The following CREB3L2 variants were observed in gnomAD, a reference collection of about 807,000 sequenced individuals.
The protein encoded by CREB3L2 is cyclic AMP-responsive element-binding protein 3-like protein 2.
In CREB3L2, 23 loss-of-function variants were observed where a neutral mutation model predicts 57.2. The observed-to-expected ratio is 0.40, with a 90% CI of 0.29 to 0.57. CREB3L2 has a LOEUF of 0.57. Among genes scored for constraint, CREB3L2 ranks in the 20% least tolerant of loss-of-function variants. The probability of loss-of-function intolerance (pLI) is 0.42; values close to 1 mark genes in which losing one functional copy is unlikely to be tolerated. For missense variants in CREB3L2, 628 were observed against 634.7 expected, an observed-to-expected ratio of 0.99 and a Z score of 0.11; for synonymous variants, 268 against 265.1, an observed-to-expected ratio of 1.01 and a Z score of -0.11.
intron 1 of CREB3L2, among the ~76,000 whole-genome samples, chr7:137,932,428 G>A (rs557296373): frequency 2.6e-5 from 4 of 152,184 alleles, no homozygotes; most frequent in South Asian, 2.1e-4. Flanking sequence ...AGTTAAAGAC[G>A]TCTATATTAA....
At chr7:137,981,913 A>G (rs1259421046) in intron 1 of CREB3L2, among the ~76,000 whole-genome samples, 1 of 152,182 alleles carries the variant, frequency 6.6e-6, no homozygotes, top group Non-Finnish European at 1.5e-5. Context: ...TTGGGGGAAG[A>G]GCTCTCTCTC....
intron 7 of CREB3L2, among the ~76,000 whole-genome samples, chr7:137,902,194 C>CAAAAAAAAA (rs58506555): frequency 0.011 from 962 of 84,726 alleles, 30 homozygotes; most frequent in African/African-American, 0.033. Context: ...ACTCTGTCTC[C>CAAAAAAAAA]AAAAAAAAAA....
At chr7:137,904,468 C>T (rs1321384919) in intron 6 of CREB3L2, among the ~76,000 whole-genome samples, 1 of 152,132 alleles carries the variant, frequency 6.6e-6, no homozygotes, top group East Asian at 1.9e-4. Context: ...GAGTTCAAGA[C>T]CAGCCTGGGC....
chr7:137,950,473 C>T (rs987177151), intron 1 of CREB3L2, among the ~76,000 whole-genome samples: 1 of 152,316 alleles, frequency 6.6e-6, no homozygotes, highest in African/African-American at 2.4e-5. Context: ...GATATTATCA[C>T]CACTGTTCCC....
rs1405825507 is a variant in CREB3L2, at chr7:137,972,722, T to A, written c.102+28882A>T. ...AAAAAAAAAAAAAAAAATATATATATATATATATATATATAGAGAGAGAGA... is the reference window on the plus strand; with the variant it reads ...AAAAAAAAAAAAAAAAATATATATAAATATATATATATATAGAGAGAGAGA... On this transcript the variant is annotated intron_variant, in intron 1 of 11. Transcript: ENST00000330387. Among the ~76,000 whole-genome samples, 97 of 25,986 alleles carry A rather than the reference T, an allele frequency of 3.7e-3. 4 individuals carry two copies. The highest frequency in any genetic ancestry group is 0.014 in the African/African-American group (58 of 4,114). The allele number at this position is 25,986 out of a possible 152,430, so 17.0% of individuals were successfully genotyped here. A position where few individuals can be genotyped will look rare whatever the true frequency, so the allele number is the denominator to read the frequency against.
intron 1 of CREB3L2, among the ~76,000 whole-genome samples, chr7:137,971,994 G>T (rs1801515359): frequency 6.6e-6 from 1 of 150,928 alleles, no homozygotes; most frequent in Admixed American, 6.6e-5. Context: ...AAATACAAAA[G>T]GGCATGGCAC....
intron 6 of CREB3L2, among the ~76,000 whole-genome samples, chr7:137,904,526 C>T (rs1045576623): frequency 1.1e-4 from 16 of 152,016 alleles, no homozygotes; most frequent in East Asian, 3.9e-4. Context: ...TAGCTGGGCG[C>T]GGTGGTGCAT....
intron 7 of CREB3L2, among the ~76,000 whole-genome samples, chr7:137,901,926 G>A (rs1304168430): frequency 6.6e-6 from 1 of 150,434 alleles, no homozygotes; most frequent in African/African-American, 2.4e-5. Context: ...GGGCGTAGTG[G>A]CTCATGTCTA....
At chr7:137,953,669 C>A in intron 1 of CREB3L2, 1 of 473,364 alleles carries the variant, frequency 2.1e-6, no homozygotes, top group Non-Finnish European at 3.8e-6. Context: ...AGACACTGAG[C>A]TCTTTCTAAT....
chr7:137,903,885 C>T (rs995071085), intron 7 of CREB3L2, 74 bp downstream of exon 7: 2 of 1,282,740 alleles, frequency 1.6e-6, no homozygotes, highest in Non-Finnish European at 2.3e-6. Flanking sequence ...AACTGCTTCT[C>T]CCCGATTCTC....
chr7:137,974,131 T>G (rs1225376765), intron 1 of CREB3L2, among the ~76,000 whole-genome samples: 1 of 152,190 alleles, frequency 6.6e-6, no homozygotes, highest in Admixed American at 6.5e-5. Context: ...ATTGGTTTCA[T>G]TCATTGAACA....
Position 137,878,194 on chromosome 7 carries a change from CTAGAAGT to C in CREB3L2, c.*2275_*2281del, listed in dbSNP as rs1799201958. Reference sequence around the variant, plus strand: ...ATCCTCAAAGCACTAAGGACAGGGGCTAGAAGTTTCCTTTATCTTCTCCCTCCTCATT... The same window carrying C: ...ATCCTCAAAGCACTAAGGACAGGGGCTTCCTTTATCTTCTCCCTCCTCATT... On this transcript the variant is annotated 3_prime_UTR_variant, in exon 12 of 12. Coordinates refer to ENST00000330387, the MANE Select transcript of CREB3L2 (RefSeq NM_194071.4). 1.7e-5 allele frequency: 4 copies of C among 231,896 alleles called. No individual in the cohort carries two copies. In the South Asian group the frequency reaches 7.2e-4, roughly 42 times the overall value. 14.4% of individuals were successfully genotyped at this position (231,896 alleles called of 1,614,324 possible). A position where few individuals can be genotyped will look rare whatever the true frequency, so the allele number is the denominator to read the frequency against.
At chr7:137,986,367 G>T (rs1801792520) in intron 1 of CREB3L2, among the ~76,000 whole-genome samples, 1 of 152,246 alleles carries the variant, frequency 6.6e-6, no homozygotes, top group Admixed American at 6.5e-5. Context: ...GCCGGGGAGT[G>T]CCCCAGCTCC....
chr7:137,922,345 C>A (rs1800300561), intron 2 of CREB3L2, among the ~76,000 whole-genome samples: 1 of 137,530 alleles, frequency 7.3e-6, no homozygotes, highest in South Asian at 2.3e-4. Context: ...TTGATTGGGA[C>A]CTGTATCAGA....
In CREB3L2 at chr7:137,877,647, T is replaced by C. The variant is rs189544691; in HGVS notation, c.*2829A>G. 393 of 225,904 alleles carry C rather than the reference T, an allele frequency of 1.7e-3. 2 individuals carry two copies. Among genetic ancestry groups the C allele is most frequent in the Non-Finnish European group, 2.9e-3 (330 of 113,624 alleles). The allele number at this position is 225,904 out of a possible 1,614,324, so 14.0% of individuals were successfully genotyped here. ...AAACTTGTTTACATGATGAAAAATA[T>C]AATTAAGAGATTGACTCTTTATGGC... is the stretch of plus-strand genomic sequence containing the variant. On this transcript the variant is annotated 3_prime_UTR_variant, in exon 12 of 12. Transcript: ENST00000330387.
chr7:137,999,457 T>G (rs1563278058), intron 1 of CREB3L2, among the ~76,000 whole-genome samples: 1 of 151,958 alleles, frequency 6.6e-6, no homozygotes, highest in Non-Finnish European at 1.5e-5. Flanking sequence ...TTTGTCTGCT[T>G]CTGTTCACTC....
At chr7:137,926,968 G>A (rs1248464920) in intron 2 of CREB3L2, among the ~76,000 whole-genome samples, 1 of 152,014 alleles carries the variant, frequency 6.6e-6, no homozygotes, top group Non-Finnish European at 1.5e-5. Context: ...GGGCAACATA[G>A]TGAGACCCCC....
intron 1 of CREB3L2, among the ~76,000 whole-genome samples, chr7:137,964,357 A>C (rs1320622587): frequency 6.6e-6 from 1 of 152,116 alleles, no homozygotes; most frequent in Non-Finnish European, 1.5e-5. Context: ...ACAAACAAAC[A>C]AACCCTTGCT....
intron 5 of CREB3L2, among the ~76,000 whole-genome samples, chr7:137,906,714 T>C (rs927450893): frequency 1.3e-5 from 2 of 152,210 alleles, no homozygotes; most frequent in Non-Finnish European, 2.9e-5. Context: ...GATGACTGAA[T>C]TATGGGGTGA....
Sources: gnomAD v4.1 joint callset for allele counts (sites outside exome capture counted in the v4.1 genomes callset) on GRCh38, gnomAD v4.1.1 for gene constraint, MANE v1.5 for transcripts, NCBI Gene and HGNC (gene_info 2026-07-23, HGNC 2026-07-21) for gene names.